The following CACNA1C variants were observed in gnomAD, a reference collection of about 807,000 sequenced individuals.
CACNA1C encodes voltage-dependent L-type calcium channel subunit alpha-1C.
A neutral mutation model predicts 229.0 loss-of-function variants in CACNA1C; 30 were observed. The observed-to-expected ratio is 0.13, with a 90% confidence interval of 0.10 to 0.18. The LOEUF is 0.18. Among genes scored for constraint, CACNA1C ranks in the 10% least tolerant of loss-of-function variants. The pLI is 1.00. For missense variants in CACNA1C, 1,658 were observed against 2,845.0 expected, an observed-to-expected ratio of 0.58 and a Z score of 9.49; for synonymous variants, 1,114 against 1,132.5, an observed-to-expected ratio of 0.98 and a Z score of 0.33.
intron 1 of CACNA1C, among the ~76,000 whole-genome samples, chr12:2,040,554 AC>A (rs1392676515): frequency 6.6e-6 from 1 of 152,222 alleles, no homozygotes; most frequent in African/African-American, 2.4e-5. Context: ...CTTGACTTTC[AC>A]TTCTGAAGAA....
rs549000544 is a variant in CACNA1C at position 2,152,539 on chromosome 12, G to C, written c.477+32109G>C. Among the ~76,000 whole-genome samples the C allele has an allele frequency of 3.3e-4, 50 of 152,276 alleles. No homozygotes were observed. The South Asian group carries it at 1.0e-2, about 30-fold the overall frequency. ...AACCATTCAGAAGGCGGTGATGGCT[G>C]GGGGAGGGCTTCCATGGGAGAGAGG... On this transcript the variant is annotated intron_variant, in intron 3 of 46. Transcript: ENST00000399655. This position sits in a 1 kb window ranked among gnomAD's most constrained non-coding sequence, Gnocchi z 4.2.
Position 2,584,407 on chromosome 12 carries a change from A to G in CACNA1C, c.2225-96A>G. On this transcript the variant is annotated intron_variant, in intron 15 of 46. Transcript: ENST00000399655. ...CTTCCCCCTCAAGCTCTCTCTGCTG[A>G]GGAGCTCTACCCTGCACGCCCCACA... 3.8e-6 allele frequency: 3 copies of G among 790,582 alleles called. No individual in the cohort carries two copies. The South Asian group carries it at 4.4e-5, about 11-fold the overall frequency. 49.0% of individuals were successfully genotyped at this position (790,582 alleles called of 1,614,324 possible).
chr12:2,437,224 C>T (rs2099143179), intron 3 of CACNA1C, among the ~76,000 whole-genome samples: 1 of 152,216 alleles, frequency 6.6e-6, no homozygotes, highest in East Asian at 1.9e-4. Flanking sequence ...CCAGGTCTGA[C>T]AGGCAGTGGG....
intron 43 of CACNA1C, 59 bp from the exon 44 acceptor site, chr12:2,685,677 C>G: frequency 7.8e-7 from 1 of 1,274,706 alleles, no homozygotes. Flanking sequence ...GTGCAGCTGT[C>G]CCTGTGGGTG....
chr12:2,562,667 G>C (rs537306988), intron 11 of CACNA1C, among the ~76,000 whole-genome samples: 2 of 152,132 alleles, frequency 1.3e-5, no homozygotes, highest in Non-Finnish European at 2.9e-5. Flanking sequence ...ATCCTCCCTC[G>C]GATCCAGGGC....
chr12:2,652,040 A>C (rs928283256), intron 32 of CACNA1C, among the ~76,000 whole-genome samples: 6 of 152,108 alleles, frequency 3.9e-5, no homozygotes, highest in Non-Finnish European at 8.8e-5. Flanking sequence ...CTTACTTTTA[A>C]CCATCGTTTA....
chr12:2,572,373 CT>C (rs2055405139), intron 13 of CACNA1C, among the ~76,000 whole-genome samples: 1 of 5,186 alleles, frequency 1.9e-4, no homozygotes, highest in African/African-American at 7.4e-4. Context: ...TCCTTCTCCT[CT>C]TCCTCCTCTT....
rs1361954753 is a variant in CACNA1C, at chr12:2,204,642, A to G, written c.477+84212A>G. ...AAAATGATGAGTTCGTGTCCTTTGT[A>G]GGGACATGGATGAAATTGGAAATCA... On this transcript the variant is annotated intron_variant, in intron 3 of 46. Coordinates refer to ENST00000399655, the MANE Select transcript of CACNA1C (RefSeq NM_000719.7). Among the ~76,000 whole-genome samples the G allele has an allele frequency of 2.0e-5, 3 of 151,298 alleles. No individual in the cohort carries two copies. In the South Asian group the frequency reaches 6.4e-4, roughly 32 times the overall value.
At position 2,695,070 on chromosome 12, in the gene CACNA1C, C is replaced by T. The variant is rs1314119802; in HGVS notation, c.*3871C>T. ...AAGGGCCTGCTGACTCCCAGAAGAC[C>T]TCTTTAAACCCCAGGGGAGGCAAAT... On this transcript the variant is annotated 3_prime_UTR_variant, in exon 47 of 47. Transcript: ENST00000399655. 6.6e-6 allele frequency: 1 copy of T among 151,822 alleles called. No individual in the cohort carries two copies. Among genetic ancestry groups the T allele is most frequent in the African/African-American group, 2.4e-5 (1 of 41,164 alleles). The allele number at this position is 151,822 out of a possible 1,614,324, so 9.4% of individuals were successfully genotyped here. A position where few individuals can be genotyped will look rare whatever the true frequency, so the allele number is the denominator to read the frequency against.
At chr12:2,140,289 G>A (rs961315037) in intron 3 of CACNA1C, among the ~76,000 whole-genome samples, 1 of 151,498 alleles carries the variant, frequency 6.6e-6, no homozygotes, top group Non-Finnish European at 1.5e-5. Context: ...CATTGTTCAC[G>A]ACTGCAGGGT....
At chr12:2,511,436 G>A (rs897371180) in intron 8 of CACNA1C, among the ~76,000 whole-genome samples, 1 of 152,160 alleles carries the variant, frequency 6.6e-6, no homozygotes, top group African/African-American at 2.4e-5. Context: ...CTTCCATGGT[G>A]CCTTTCCTAG....
At chr12:2,547,520 C>T (rs2154591924) in intron 9 of CACNA1C, 1 of 779,704 alleles carries the variant, frequency 1.3e-6, no homozygotes, top group Admixed American at 1.7e-5. Context: ...CCACAGAAAC[C>T]CATGGTAATG....
intron 7 of CACNA1C, among the ~76,000 whole-genome samples, chr12:2,496,941 G>A (rs552515549): frequency 5.3e-5 from 8 of 152,324 alleles, no homozygotes; most frequent in African/African-American, 1.7e-4. Context: ...GTAGGTGTGG[G>A]GAGTGTGATC....
At chr12:2,289,099 T>G (rs1442097562) in intron 3 of CACNA1C, among the ~76,000 whole-genome samples, 1 of 152,172 alleles carries the variant, frequency 6.6e-6, no homozygotes, top group Non-Finnish European at 1.5e-5. Flanking sequence ...GGGGAAGATA[T>G]GCCCTCAGGT....
chr12:2,049,835 A>G (rs1002418777), upstream of CACNA1C, among the ~76,000 whole-genome samples: 1 of 152,216 alleles, frequency 6.6e-6, no homozygotes, highest in African/African-American at 2.4e-5. Context: ...TGTCATGTTG[A>G]GAATTTGTTA....
chr12:2,170,426 G>T (rs1440558391), intron 3 of CACNA1C, among the ~76,000 whole-genome samples: 1 of 152,212 alleles, frequency 6.6e-6, no homozygotes, highest in Non-Finnish European at 1.5e-5. Flanking sequence ...GAGAGGCCAG[G>T]CTGTCCCACC....
chr12:2,191,655 C>G (rs1444765007), intron 3 of CACNA1C, among the ~76,000 whole-genome samples: 2 of 151,970 alleles, frequency 1.3e-5, no homozygotes, highest in African/African-American at 2.4e-5. Context: ...CAGGCACACA[C>G]ACGCACATGT....
chr12:2,693,673 T>C lies in CACNA1C; in HGVS notation c.*2474T>C, dbSNP rs1440787921. The C allele has an allele frequency of 6.6e-6, 1 of 152,120 alleles. No individual in the cohort carries two copies. The highest frequency in any genetic ancestry group is 1.9e-4 in the East Asian group (1 of 5,178). The allele number at this position is 152,120 out of a possible 1,614,324, so 9.4% of individuals were successfully genotyped here. A position where few individuals can be genotyped will look rare whatever the true frequency, so the allele number is the denominator to read the frequency against. On this transcript the variant is annotated 3_prime_UTR_variant, in exon 47 of 47. Coordinates refer to ENST00000399655, the MANE Select transcript of CACNA1C (RefSeq NM_000719.7). ...CAGTGGGGGTGGGAACAGATTTTTG[T>C]GGGGGCATCTCTAATGCTCACTTAT...
chr12:2,367,250 T>C (rs927942437), intron 3 of CACNA1C, among the ~76,000 whole-genome samples: 9 of 152,174 alleles, frequency 5.9e-5, no homozygotes, highest in African/African-American at 2.2e-4. Context: ...CTCGAGCTCT[T>C]ATGAGAATCT....
Sources: gnomAD v4.1 joint callset for allele counts (sites outside exome capture counted in the v4.1 genomes callset) on GRCh38, gnomAD v4.1.1 for gene constraint, Gnocchi (gnomAD v3.1) non-coding constraint, MANE v1.5 for transcripts, NCBI Gene and HGNC (gene_info 2026-07-23, HGNC 2026-07-21) for gene names.